SCP2: variants seen among roughly 807,000 people sequenced by gnomAD.
SCP2 encodes the protein sterol carrier protein 2.
Under a neutral mutation model 71.4 loss-of-function variants are expected in SCP2, and 48 were observed. That is an observed-to-expected ratio of 0.67 (90% CI 0.53 to 0.86). The LOEUF is 0.86. Among genes scored for constraint, SCP2 ranks in the 40% least tolerant of loss-of-function variants. The pLI, the probability that SCP2 is intolerant of heterozygous loss-of-function variation, is 0.00. For missense variants in SCP2, 560 were observed against 655.6 expected, an observed-to-expected ratio of 0.85 and a Z score of 1.59; for synonymous variants, 220 against 218.1, an observed-to-expected ratio of 1.01 and a Z score of -0.08.
chr1:53,031,504 A>G (rs749383325), intron 13 of SCP2, among the ~76,000 whole-genome samples: 4 of 152,154 alleles, frequency 2.6e-5, no homozygotes, highest in Admixed American at 6.5e-5. Context: ...GCAATTCTCC[A>G]TTGCCCTTCT....
At chr1:53,000,252 C>CAAAAAAAAAAA (rs34392119) in intron 11 of SCP2, among the ~76,000 whole-genome samples, 2 of 92,116 alleles carry the variant, frequency 2.2e-5, no homozygotes. Flanking sequence ...TAGTTTCTAC[C>CAAAAAAAAAAA]AAAAAAAAAA....
intron 13 of SCP2, among the ~76,000 whole-genome samples, chr1:53,028,899 C>T (rs1448340552): frequency 6.6e-6 from 1 of 152,056 alleles, no homozygotes; most frequent in East Asian, 1.9e-4. Context: ...CCTCTGCCTC[C>T]TGAGTAGCTG....
At chr1:52,939,322 G>A (rs1654001594) in intron 1 of SCP2, among the ~76,000 whole-genome samples, 1 of 152,140 alleles carries the variant, frequency 6.6e-6, no homozygotes, top group Non-Finnish European at 1.5e-5. Context: ...GAGGCAGGAG[G>A]ATTGCTTGAG....
intron 1 of SCP2, chr1:52,934,976 AACGTCG>A (rs1429000827): frequency 1.4e-5 from 2 of 146,532 alleles, no homozygotes. Flanking sequence ...ACTTTTAAGA[AACGTCG>A]GCCCGGGAGC....
chr1:52,974,705 C>A, intron 6 of SCP2, 64 bp from the exon 7 acceptor site: 2 of 835,048 alleles, frequency 2.4e-6, no homozygotes, highest in Non-Finnish European at 2.1e-6. Context: ...AGTACCATTG[C>A]AAGATTTGTT....
At chr1:53,023,085 A>G (rs953731006) in intron 12 of SCP2, among the ~76,000 whole-genome samples, 10 of 152,240 alleles carry the variant, frequency 6.6e-5, no homozygotes, top group Non-Finnish European at 1.2e-4. Flanking sequence ...TTAAGTTGAT[A>G]TATTCAGTTT....
intron 11 of SCP2, among the ~76,000 whole-genome samples, chr1:53,011,538 A>C (rs1024704553): frequency 6.6e-6 from 1 of 152,196 alleles, no homozygotes; most frequent in African/African-American, 2.4e-5. Flanking sequence ...AGTTACTTTC[A>C]TGTAAAAAGG....
intron 11 of SCP2, among the ~76,000 whole-genome samples, chr1:53,012,268 T>C (rs1479260750): frequency 6.6e-6 from 1 of 152,244 alleles, no homozygotes; most frequent in Admixed American, 6.5e-5. Flanking sequence ...TGGACAGGCC[T>C]GGCTGGGTTT....
In SCP2 at chr1:52,941,812, C is replaced by A; in HGVS notation, c.86C>A (p.Ala29Asp). ...TATCTCTAGTTTGTGAAGCCTGGAG[C>A]TGAGAATTCAAGAGACTACCCTGAC... ...VGMTKFVKPG[A>D]ENSRDYPDLA... Residue 29 changes from alanine (A) to aspartate (D), a missense_variant, in exon 2 of 16, where the codon GCT becomes GAT. By Grantham distance (126) the Ala-to-Asp change is moderately radical. Coordinates refer to ENST00000371514, the MANE Select transcript of SCP2 (RefSeq NM_002979.5). 1 of 1,603,976 alleles carries A rather than the reference C, an allele frequency of 6.2e-7. No homozygotes were observed. The highest frequency in any genetic ancestry group is 1.3e-5 in the African/African-American group (1 of 74,794).
chr1:53,002,182 G>A (rs1443962644), intron 11 of SCP2, among the ~76,000 whole-genome samples: 3 of 140,164 alleles, frequency 2.1e-5, no homozygotes, highest in African/African-American at 5.5e-5. Flanking sequence ...GTGAGACTCC[G>A]TCTCAAAAAA....
chr1:52,993,511 A>G, intron 11 of SCP2: 1 of 1,612,648 alleles, frequency 6.2e-7, no homozygotes, highest in South Asian at 1.1e-5. Flanking sequence ...TTTCTTCAAA[A>G]CTGCCTCTAT....
chr1:52,961,224 C>T (rs1266741806), intron 5 of SCP2, among the ~76,000 whole-genome samples: 2 of 151,796 alleles, frequency 1.3e-5, no homozygotes, highest in Non-Finnish European at 2.9e-5. Context: ...CTATCCCTCC[C>T]CCCAACCCCC....
chr1:53,028,505 G>A (rs1300925376), intron 13 of SCP2, among the ~76,000 whole-genome samples: 1 of 151,976 alleles, frequency 6.6e-6, no homozygotes, highest in Non-Finnish European at 1.5e-5. Context: ...AAAAGAAATT[G>A]TGTTTTGATT....
chr1:52,956,282 G>A (rs571358657), intron 5 of SCP2, among the ~76,000 whole-genome samples: 2 of 152,240 alleles, frequency 1.3e-5, no homozygotes, highest in South Asian at 2.1e-4. Context: ...CAGCCTGGGC[G>A]ACAGAGTGAG....
intron 5 of SCP2, among the ~76,000 whole-genome samples, chr1:52,956,218 C>T (rs1018428937): frequency 7.2e-5 from 11 of 152,080 alleles, no homozygotes; most frequent in African/African-American, 2.4e-4. Flanking sequence ...GCAGGAGAAT[C>T]GCCTGAGCCC....
At chr1:53,031,990 AAT>A (rs1662577829) in intron 13 of SCP2, among the ~76,000 whole-genome samples, 1 of 152,182 alleles carries the variant, frequency 6.6e-6, no homozygotes, top group Non-Finnish European at 1.5e-5. Context: ...TGCACCTGGA[AAT>A]AGTCATTCAT....
chr1:52,932,773 C>G lies in SCP2; in HGVS notation c.69+5308C>G, dbSNP rs117759365. Among the ~76,000 whole-genome samples, 73 of 152,196 alleles carry G rather than the reference C, an allele frequency of 4.8e-4. No homozygotes were observed. The East Asian group carries it at 0.014, about 29-fold the overall frequency. On this transcript the variant is annotated intron_variant, in intron 1 of 15. Coordinates refer to ENST00000371514, the MANE Select transcript of SCP2 (RefSeq NM_002979.5). ...TAAACTCAGTAATTATGTTACTGAG[C>G]ATTAGCATTAGTATTGTTATGAGAT...
At position 52,935,247 on chromosome 1, in the gene SCP2, CAA is replaced by C. The variant is rs1653609106; in HGVS notation, c.70-6548_70-6547del. 2.6e-5 allele frequency among the ~76,000 whole-genome samples: 4 copies of C among 151,050 alleles called. No individual in the cohort carries two copies. In the South Asian group the frequency reaches 8.4e-4, roughly 32 times the overall value. ...CCCCATTGCACTCCAGCTTGGGCAA[CAA>C]GAGCAAAACTCCGTTTCAAAAAAAT... is the stretch of plus-strand genomic sequence containing the variant. On this transcript the variant is annotated intron_variant, in intron 1 of 15. Transcript: ENST00000371514.
chr1:52,971,882 C>A (rs2150158730), intron 6 of SCP2, among the ~76,000 whole-genome samples: 1 of 152,276 alleles, frequency 6.6e-6, no homozygotes, highest in South Asian at 2.1e-4. Context: ...AGTAATATTT[C>A]TAGGTTTTAT....
Sources: gnomAD v4.1 joint callset for allele counts (sites outside exome capture counted in the v4.1 genomes callset) on GRCh38, gnomAD v4.1.1 for gene constraint, MANE v1.5 for transcripts, NCBI Gene and HGNC (gene_info 2026-07-23, HGNC 2026-07-21) for gene names.